ALOX5: variants seen among roughly 807,000 people sequenced by gnomAD.
ALOX5 encodes polyunsaturated fatty acid 5-lipoxygenase.
Under a neutral mutation model 87.9 loss-of-function variants are expected in ALOX5, and 64 were observed. The observed-to-expected ratio is 0.73, with a 90% CI of 0.60 to 0.90. ALOX5 has a LOEUF of 0.90. Among genes scored for constraint, ALOX5 ranks in the 40% least tolerant of loss-of-function variants. The pLI is 0.00. For missense variants in ALOX5, 822 were observed against 907.5 expected (o/e 0.91, Z 1.21); for synonymous variants, 388 against 355.1 (o/e 1.09, Z -1.04).
At chr10:45,432,030 G>C (rs35489926) in intron 7 of ALOX5, among the ~76,000 whole-genome samples, 1,750 of 148,646 alleles carry the variant, frequency 0.012, 20 homozygotes, top group Non-Finnish European at 0.014. Context: ...TTTCTTGGTG[G>C]GGGTGTGGTG....
intron 1 of ALOX5, among the ~76,000 whole-genome samples, chr10:45,380,573 T>C (rs1451156580): frequency 6.6e-6 from 1 of 152,180 alleles, no homozygotes; most frequent in Non-Finnish European, 1.5e-5. Flanking sequence ...CCCCTTCCAC[T>C]TTGCCATCAT....
intron 3 of ALOX5, among the ~76,000 whole-genome samples, chr10:45,396,813 G>A (rs1047926855): frequency 4.6e-5 from 7 of 152,028 alleles, no homozygotes; most frequent in East Asian, 3.9e-4. Context: ...CATTTTCAAC[G>A]AAATACTAGC....
At chr10:45,423,417 C>T (rs531880322) in intron 4 of ALOX5, among the ~76,000 whole-genome samples, 22 of 152,350 alleles carry the variant, frequency 1.4e-4, no homozygotes, top group African/African-American at 4.6e-4. Context: ...GGAAGTCTCT[C>T]CCCTCTTTTC....
chr10:45,378,692 C>A lies in ALOX5; in HGVS notation c.151-3791C>A, dbSNP rs565978273. On this transcript the variant is annotated intron_variant, in intron 1 of 13. Coordinates refer to ENST00000374391, the MANE Select transcript of ALOX5 (RefSeq NM_000698.5). The stretch of plus-strand genomic sequence containing the variant: ...AAGGAGGCCTTTATCTGTCATTCTT[C>A]CATTAGTGGCCCCTGGGATGTTAGA... Among the ~76,000 whole-genome samples the A allele has an allele frequency of 3.9e-5, 6 of 152,300 alleles. No homozygotes were observed. In the East Asian group the frequency reaches 1.2e-3, roughly 29 times the overall value.
At chr10:45,428,504 C>T (rs1841806342) in intron 6 of ALOX5, 114 bp from the exon 7 acceptor site, 4 of 1,352,798 alleles carry the variant, frequency 3.0e-6, no homozygotes, top group South Asian at 1.3e-5. Flanking sequence ...TTCTGAGCTC[C>T]GCTGAGTCGC....
intron 3 of ALOX5, among the ~76,000 whole-genome samples, chr10:45,398,225 G>A (rs1008587628): frequency 2.0e-5 from 3 of 152,224 alleles, no homozygotes; most frequent in Non-Finnish European, 2.9e-5. Context: ...GACAGAAGCA[G>A]CAAGACAGTT....
At chr10:45,405,823 A>G (rs546113230) in intron 3 of ALOX5, among the ~76,000 whole-genome samples, 1 of 151,924 alleles carries the variant, frequency 6.6e-6, no homozygotes, top group African/African-American at 2.4e-5. Context: ...TGCTGCCTCA[A>G]ACTAACCCAG....
chr10:45,382,673 A>T lies in ALOX5; in HGVS notation c.341A>T (p.Asp114Val). ...ITGDVEVVLRDGRAKLARDDQ... is the reference protein window; with the variant it reads ...ITGDVEVVLRVGRAKLARDDQ... Reference sequence around the variant, plus strand: ...GGCGATGTCGAGGTTGTCCTGAGGGATGGACGCGGTGAGCAGCTCAGGCCC... The same window carrying T: ...GGCGATGTCGAGGTTGTCCTGAGGGTTGGACGCGGTGAGCAGCTCAGGCCC... The change falls in exon 2 of 14, where the codon GAT (aspartate) becomes GTT (valine). Residue 114 changes from aspartate (D) to valine (V), a missense_variant. By Grantham distance (152) the Asp-to-Val change is radical (BLOSUM62 -3). Transcript: ENST00000374391. 6.2e-7 allele frequency: 1 copy of T among 1,612,614 alleles called. No individual in the cohort carries two copies. Among genetic ancestry groups the T allele is most frequent in the Non-Finnish European group, 8.5e-7 (1 of 1,179,318 alleles).
At chr10:45,401,823 C>T (rs1176484893) in intron 3 of ALOX5, among the ~76,000 whole-genome samples, 2 of 152,094 alleles carry the variant, frequency 1.3e-5, no homozygotes, top group Non-Finnish European at 2.9e-5. Flanking sequence ...ACAAATTTCT[C>T]CTCAAAAATC....
chr10:45,414,226 G>T (rs936700920), intron 4 of ALOX5, among the ~76,000 whole-genome samples: 44 of 152,258 alleles, frequency 2.9e-4, no homozygotes, highest in African/African-American at 1.1e-3. Context: ...CATGGCACTG[G>T]TACCAAAACA....
intron 9 of ALOX5, among the ~76,000 whole-genome samples, chr10:45,442,337 CAG>C (rs1172446774): frequency 6.6e-6 from 1 of 152,226 alleles, no homozygotes; most frequent in African/African-American, 2.4e-5. Context: ...CGCATCTAAA[CAG>C]AAAGTGCTGG....
At chr10:45,388,028 T>G (rs1840064957) in intron 2 of ALOX5, among the ~76,000 whole-genome samples, 1 of 152,198 alleles carries the variant, frequency 6.6e-6, no homozygotes, top group African/African-American at 2.4e-5. Flanking sequence ...GGGAATTCCC[T>G]TTCCTAGCCA....
chr10:45,443,095 C>G lies in ALOX5; in HGVS notation c.1330C>G (p.Leu444Val). Residue 444 changes from leucine to valine, a missense_variant, in exon 10 of 14, where the codon CTG (leucine) becomes GTG (valine). By Grantham distance (32) the Leu-to-Val change is conservative (BLOSUM62 1). Transcript: ENST00000374391. ...GATGGTGCAGAGGGCCATGAAGGAC[C>G]TGACCTATGCCTCCCTGTGCTTTCC... ...VQMVQRAMKD[L>V]TYASLCFPEA... The G allele has an allele frequency of 6.2e-7, 1 of 1,613,798 alleles. No homozygotes were observed. The highest frequency in any genetic ancestry group is 8.5e-7 in the Non-Finnish European group (1 of 1,179,996).
intron 13 of ALOX5, chr10:45,444,609 A>T (rs1177635742): frequency 8.5e-6 from 3 of 351,602 alleles, no homozygotes; most frequent in East Asian, 9.6e-5. Flanking sequence ...AGAGGGAATG[A>T]CCAAGAGTTT....
At chr10:45,418,053 A>C (rs1841359204) in intron 4 of ALOX5, among the ~76,000 whole-genome samples, 1 of 152,216 alleles carries the variant, frequency 6.6e-6, no homozygotes, top group South Asian at 2.1e-4. Flanking sequence ...GAGCGAAGGA[A>C]TCCTGAGAGG....
Position 45,428,692 on chromosome 10 carries a change from C to A in ALOX5, c.909C>A (p.Leu303=), listed in dbSNP as rs199926259. ...IDANKTDPCT[L]QFLAAPICLL... The stretch of plus-strand genomic sequence containing the variant: ...CCAACAAAACAGACCCCTGCACACT[C>A]CAGTTCCTGGCCGCTCCCATCTGCT... Residue 303 remains leucine, a synonymous_variant, in exon 7 of 14, where the codon CTC becomes CTA. Coordinates refer to ENST00000374391, the MANE Select transcript of ALOX5 (RefSeq NM_000698.5). The A allele has an allele frequency of 6.2e-6, 10 of 1,614,006 alleles. No homozygotes were observed. In the African/African-American group the frequency reaches 1.3e-4, roughly 22 times the overall value.
At chr10:45,438,770 A>G (rs907336286) in intron 7 of ALOX5, among the ~76,000 whole-genome samples, 1 of 152,240 alleles carries the variant, frequency 6.6e-6, no homozygotes, top group Admixed American at 6.5e-5. Flanking sequence ...CAAGAAAACC[A>G]GGTCATTCAA....
rs143675525 is a variant in ALOX5, at chr10:45,440,593, C to G, written c.1145C>G (p.Ala382Gly). The G allele has an allele frequency of 2.5e-6, 4 of 1,614,038 alleles. No homozygotes were observed. The highest frequency in any genetic ancestry group is 3.4e-6 in the Non-Finnish European group (4 of 1,180,040). ...THLVSEVFGIAMYRQLPAVHP... is the reference protein window; with the variant it reads ...THLVSEVFGIGMYRQLPAVHP... ...CTGGTGTCTGAGGTTTTTGGCATTG[C>G]AATGTACCGCCAGCTGCCTGCTGTG... The change falls in exon 8 of 14, where the codon GCA (alanine) becomes GGA (glycine). Residue 382 changes from alanine (A) to glycine (G), a missense_variant. Ala to Gly is a moderately conservative substitution (Grantham distance 60). Coordinates refer to ENST00000374391, the MANE Select transcript of ALOX5 (RefSeq NM_000698.5).
chr10:45,443,180 G>T lies in ALOX5; in HGVS notation c.1415G>T (p.Arg472Leu). Reference sequence around the variant, plus strand: ...GAAGACATCCCCTACTACTTCTACCGGGACGACGGGCTCCTGGTGTGGGAA... The same window carrying T: ...GAAGACATCCCCTACTACTTCTACCTGGACGACGGGCTCCTGGTGTGGGAA... ...SKEDIPYYFYRDDGLLVWEAI... is the reference protein window; with the variant it reads ...SKEDIPYYFYLDDGLLVWEAI... The change falls in exon 10 of 14, where the codon CGG becomes CTG. Residue 472 changes from arginine to leucine, a missense_variant. Transcript: ENST00000374391. 1 of 1,613,710 alleles carries T rather than the reference G, an allele frequency of 6.2e-7. No individual in the cohort carries two copies. Among genetic ancestry groups the T allele is most frequent in the Non-Finnish European group, 8.5e-7 (1 of 1,179,976 alleles).
Sources: allele counts gnomAD v4.1 joint callset (sites outside exome capture counted in the v4.1 genomes callset), GRCh38; gene constraint gnomAD v4.1.1; transcripts MANE v1.5; gene names NCBI Gene and HGNC (gene_info 2026-07-23, HGNC 2026-07-21).